ALDOA: variants seen among roughly 807,000 people sequenced by gnomAD.
ALDOA encodes fructose-bisphosphate aldolase A.
ALDOA carries 26 observed loss-of-function variants against 43.9 expected under a neutral mutation model. The observed-to-expected ratio is 0.59, with a 90% CI of 0.43 to 0.82. The LOEUF (loss-of-function observed/expected upper bound fraction) is 0.82. ALDOA is among the 40% of genes least tolerant of loss of function. The pLI, the probability that ALDOA is intolerant of heterozygous loss-of-function variation, is 0.00. For synonymous variants in ALDOA, 258 were observed against 222.6 expected, an observed-to-expected ratio of 1.16 and a Z score of -1.42; for missense variants, 498 against 549.5, an observed-to-expected ratio of 0.91 and a Z score of 0.94.
At chr16:30,068,305 C>T (rs1259813562) in intron 4 of ALDOA, 1 of 361,268 alleles carries the variant, frequency 2.8e-6, no homozygotes, top group Non-Finnish European at 5.4e-6. Flanking sequence ...ATCTCGTGAT[C>T]TGCCCACCTC....
In ALDOA at chr16:30,067,219, G is replaced by A; in HGVS notation, c.142-15G>A. ...CCTAGCTAACTAGTCCTTCCCCTCT[G>A]TTTCCTGTATCCAGGAACTTGCTAC... is the stretch of plus-strand genomic sequence containing the variant. On this transcript the variant is annotated splice_polypyrimidine_tract_variant and intron_variant, in intron 2 of 9. Transcript: ENST00000642816. 6.2e-7 allele frequency: 1 copy of A among 1,612,160 alleles called. No individual in the cohort carries two copies. The highest frequency in any genetic ancestry group is 1.1e-5 in the South Asian group (1 of 90,992).
At chr16:30,068,286 G>T in intron 4 of ALDOA, 1 of 351,882 alleles carries the variant, frequency 2.8e-6, no homozygotes, top group Non-Finnish European at 5.6e-6. Flanking sequence ...GGATGGTCTC[G>T]ATCTCCTGAT....
rs1567322810 is a variant in ALDOA at position 30,067,324 on chromosome 16, G to A, written c.232G>A (p.Val78Met). The A allele has an allele frequency of 6.2e-7, 1 of 1,613,560 alleles. No individual in the cohort carries two copies. The highest frequency in any genetic ancestry group is 8.5e-7 in the Non-Finnish European group (1 of 1,180,020). Residue 78 changes from valine (V) to methionine (M), a missense_variant, in exon 3 of 10, where the codon GTG (valine) becomes ATG (methionine). Physicochemically the swap from Val to Met is conservative, Grantham distance 21 (BLOSUM62 1). Transcript: ENST00000642816. ...GCTGTCTGACATCGCTCACCGCATC[G>A]TGGCACCTGGCAAGGGCATCCTGGC... Reference protein sequence around the residue: ...KELSDIAHRIVAPGKGILAAD... With the variant: ...KELSDIAHRIMAPGKGILAAD...
In ALDOA at chr16:30,067,533, G is replaced by A. The variant is rs896391451; in HGVS notation, c.358G>A (p.Ala120Thr). ...RRFYRQLLLT[A>T]DDRVNPCIGG... ...CTTCTACCGCCAGCTGCTGCTGACA[G>A]CTGACGACCGCGTGAACCCCTGCAT... The change falls in exon 4 of 10, where the codon GCT becomes ACT. Residue 120 changes from alanine (A) to threonine (T), a missense_variant. By Grantham distance (58) the Ala-to-Thr change is moderately conservative. Transcript: ENST00000642816. The A allele has an allele frequency of 2.5e-6, 4 of 1,613,732 alleles. No homozygotes were observed. The African/African-American group carries it at 5.3e-5, about 22-fold the overall frequency.
chr16:30,068,832 T>G lies in ALDOA; in HGVS notation c.556T>G (p.Ser186Ala). The G allele has an allele frequency of 1.2e-6, 2 of 1,614,224 alleles. No homozygotes were observed. The highest frequency in any genetic ancestry group is 2.2e-5 in the South Asian group (2 of 91,092). Residue 186 changes from serine (S) to alanine (A), a missense_variant, in exon 6 of 10, where the codon TCT (serine) becomes GCT (alanine). Ser to Ala is a moderately conservative substitution (Grantham distance 99). Transcript: ENST00000642816. ...ETTTQGLDGL[S>A]ERCAQYKKDG... ...TCTTCTCTTAGGGTTGGATGGGCTGTCTGAGCGCTGTGCCCAGTACAAGAA... is the reference window on the plus strand; with the variant it reads ...TCTTCTCTTAGGGTTGGATGGGCTGGCTGAGCGCTGTGCCCAGTACAAGAA...
At chr16:30,065,504 G>C (rs1043699558), upstream of ALDOA, among the ~76,000 whole-genome samples, 1 of 152,332 alleles carries the variant, frequency 6.6e-6, no homozygotes, top group East Asian at 1.9e-4. Flanking sequence ...GAGCGCGCCA[G>C]GCTGGGGGAA....
In ALDOA at chr16:30,068,143, C is replaced by T. The variant is rs1005264633; in HGVS notation, c.486+482C>T. 8 of 259,176 alleles carry T rather than the reference C, an allele frequency of 3.1e-5. No homozygotes were observed. In the East Asian group the frequency reaches 7.2e-4, roughly 23 times the overall value. 16.1% of individuals were successfully genotyped at this position (259,176 alleles called of 1,614,324 possible). ...AGTGGTGCGATCTCTTGGCTCACTGCAAGTTCCGCCTCCCAGGTTCACGCC... is the reference window on the plus strand; with the variant it reads ...AGTGGTGCGATCTCTTGGCTCACTGTAAGTTCCGCCTCCCAGGTTCACGCC... On this transcript the variant is annotated intron_variant, in intron 4 of 9. Transcript: ENST00000642816.
intron 9 of ALDOA, 38 bp downstream of exon 9, chr16:30,070,067 G>T (rs1473659652): frequency 1.2e-6 from 2 of 1,613,496 alleles, no homozygotes; most frequent in Non-Finnish European, 1.7e-6. Context: ...TGCCTGGGTG[G>T]ATGGGACTCG....
rs896015403 is a variant in ALDOA at position 30,070,346 on chromosome 16, G to A, written c.*134G>A. 1.4e-5 allele frequency: 11 copies of A among 805,124 alleles called. No homozygotes were observed. The Admixed American group carries it at 2.1e-4, about 15-fold the overall frequency. 49.9% of individuals were successfully genotyped at this position (805,124 alleles called of 1,614,324 possible). On this transcript the variant is annotated 3_prime_UTR_variant, in exon 10 of 10. Coordinates refer to ENST00000642816, the MANE Select transcript of ALDOA (RefSeq NM_001243177.4). Reference sequence around the variant, plus strand: ...TTCCCTCGTGACAGTGGTGTGTGGTGTCGTCTGTGAATGCTAAGTCCATCA... The same window carrying A: ...TTCCCTCGTGACAGTGGTGTGTGGTATCGTCTGTGAATGCTAAGTCCATCA...
At chr16:30,069,086 G>A in intron 6 of ALDOA, 108 bp downstream of exon 6, 1 of 1,547,366 alleles carries the variant, frequency 6.5e-7, no homozygotes, top group Non-Finnish European at 8.9e-7. Context: ...GCAAGCATTA[G>A]CTTTGGCCCG....
Position 30,067,217 on chromosome 16 carries a change from CTG to C in ALDOA, c.142-15_142-14del, listed in dbSNP as rs1567322507. On this transcript the variant is annotated splice_polypyrimidine_tract_variant and intron_variant, in intron 2 of 9. Coordinates refer to ENST00000642816, the MANE Select transcript of ALDOA (RefSeq NM_001243177.4). ...ACCCTAGCTAACTAGTCCTTCCCCT[CTG>C]TTTCCTGTATCCAGGAACTTGCTAC... The C allele has an allele frequency of 1.2e-6, 2 of 1,612,182 alleles. No individual in the cohort carries two copies. Among genetic ancestry groups the C allele is most frequent in the Admixed American group, 3.3e-5 (2 of 60,028 alleles).
rs1412472021 is a variant in ALDOA, at chr16:30,067,669, G to A, written c.486+8G>A. The A allele has an allele frequency of 6.2e-7, 1 of 1,614,082 alleles. No individual in the cohort carries two copies. The highest frequency in any genetic ancestry group is 8.5e-7 in the Non-Finnish European group (1 of 1,180,028). On this transcript the variant is annotated splice_region_variant and intron_variant, in intron 4 of 9. Coordinates refer to ENST00000642816, the MANE Select transcript of ALDOA (RefSeq NM_001243177.4). ...GGTGTTGTGGGCATCAAGGTAAGGG[G>A]AGGGCCTCCGGACGTGAGGTTTGAG...
At chr16:30,067,722 T>A in intron 4 of ALDOA, 61 bp downstream of exon 4, 1 of 1,595,798 alleles carries the variant, frequency 6.3e-7, no homozygotes, top group Non-Finnish European at 8.6e-7. Flanking sequence ...AAATCCAGGT[T>A]AGTGAGGCAG....
Position 30,070,125 on chromosome 16 carries a change from C to T in ALDOA, c.1170C>T (p.Ser390=), listed in dbSNP as rs2072272921. 5 of 1,614,068 alleles carry T rather than the reference C, an allele frequency of 3.1e-6. No homozygotes were observed. The highest frequency in any genetic ancestry group is 1.7e-6 in the Non-Finnish European group (2 of 1,180,036). Residue 390 remains serine, a synonymous_variant, in exon 10 of 10, where the codon AGC becomes AGT. Coordinates refer to ENST00000642816, the MANE Select transcript of ALDOA (RefSeq NM_001243177.4). ...EEYVKRALAN[S]LACQGKYTPS... is the part of the protein sequence containing the mutation. The stretch of plus-strand genomic sequence containing the variant: ...CCCCTCTCCCTGCTTAGGCCAACAG[C>T]CTTGCCTGTCAAGGAAAGTACACTC...
chr16:30,066,371 T>A (rs549471082), intron 1 of ALDOA: 1 of 153,266 alleles, frequency 6.5e-6, no homozygotes, highest in African/African-American at 2.4e-5. Flanking sequence ...CCTTAACACT[T>A]TCCCTGTCTC....
rs2072174581 is a variant in ALDOA, at chr16:30,067,776, T to A, written c.486+115T>A. On this transcript the variant is annotated intron_variant, in intron 4 of 9. Transcript: ENST00000642816. ...GTGGCCTAGAGACTTGCATGGAGCC[T>A]GCTTCAGGCTTAGGGCATTTACTCG... The A allele has an allele frequency of 3.1e-5, 38 of 1,217,826 alleles. No homozygotes were observed. The South Asian group carries it at 4.6e-4, about 15-fold the overall frequency. 75.4% of individuals were successfully genotyped at this position (1,217,826 alleles called of 1,614,324 possible).
In ALDOA at chr16:30,069,657, G is replaced by T; in HGVS notation, c.945G>T (p.Val315=). ...CCGTCACAGCGCTGCGCCGCACAGTGCCCCCCGCTGTCACTGGTGAGGCCC... is the reference window on the plus strand; with the variant it reads ...CCGTCACAGCGCTGCGCCGCACAGTTCCCCCCGCTGTCACTGGTGAGGCCC... ...MATVTALRRT[V]PPAVTGITFL... is the part of the protein sequence containing the mutation. The change falls in exon 8 of 10, where the codon GTG becomes GTT. Residue 315 remains valine (V), a synonymous_variant. Transcript: ENST00000642816. The T allele has an allele frequency of 1.2e-6, 2 of 1,613,570 alleles. No homozygotes were observed. Among genetic ancestry groups the T allele is most frequent in the Non-Finnish European group, 1.7e-6 (2 of 1,180,008 alleles).
Position 30,070,134 on chromosome 16 carries a change from T to C in ALDOA, c.1179T>C (p.Cys393=), listed in dbSNP as rs1424253749. The C allele has an allele frequency of 1.9e-6, 3 of 1,614,062 alleles. No homozygotes were observed. Among genetic ancestry groups the C allele is most frequent in the Admixed American group, 1.7e-5 (1 of 60,016 alleles). The part of the protein sequence containing the change: ...VKRALANSLA[C]QGKYTPSGQA... ...CTGCTTAGGCCAACAGCCTTGCCTG[T>C]CAAGGAAAGTACACTCCGAGCGGTC... The change falls in exon 10 of 10, where the codon TGT becomes TGC. Residue 393 remains cysteine, a synonymous_variant. Coordinates refer to ENST00000642816, the MANE Select transcript of ALDOA (RefSeq NM_001243177.4).
At position 30,069,685 on chromosome 16, in the gene ALDOA, A is replaced by G. The variant is rs200733968; in HGVS notation, c.961+12A>G. The stretch of plus-strand genomic sequence containing the variant: ...CCCCGCTGTCACTGGTGAGGCCCAC[A>G]CTCATCTTGATCTCTATGCAGTAGA... On this transcript the variant is annotated intron_variant, in intron 8 of 9. Transcript: ENST00000642816. The G allele has an allele frequency of 3.6e-4, 583 of 1,612,988 alleles. No homozygotes were observed. The highest frequency in any genetic ancestry group is 4.9e-4 in the Non-Finnish European group (574 of 1,179,896).
Sources: gnomAD v4.1 joint callset for allele counts (sites outside exome capture counted in the v4.1 genomes callset) on GRCh38, gnomAD v4.1.1 for gene constraint, MANE v1.5 for transcripts, NCBI Gene and HGNC (gene_info 2026-07-23, HGNC 2026-07-21) for gene names.